Variants in TNFRSF13B observed in about 807,000 individuals in gnomAD.
The protein encoded by TNFRSF13B is tumor necrosis factor receptor superfamily member 13B.
In TNFRSF13B, 34 loss-of-function variants were observed where a neutral mutation model predicts 24.0. The observed-to-expected ratio is 1.41, with a 90% confidence interval of 1.08 to 1.88. The LOEUF is 1.88. Among genes scored for constraint, TNFRSF13B ranks in the 40% most tolerant of loss-of-function variants. TNFRSF13B has a pLI of 0.00. For synonymous variants in TNFRSF13B, 173 were observed against 150.3 expected, an observed-to-expected ratio of 1.15 and a Z score of -1.10; for missense variants, 415 against 380.8, an observed-to-expected ratio of 1.09 and a Z score of -0.75.
chr17:16,952,404 G>A (rs747696050), intron 2 of TNFRSF13B, 42 bp downstream of exon 2: 3 of 1,613,138 alleles, frequency 1.9e-6, no homozygotes, highest in Admixed American at 3.3e-5. Context: ...GAAAGGAGGA[G>A]GGTGATCACA....
At chr17:16,971,806 C>T (rs2087746937) in intron 1 of TNFRSF13B, among the ~76,000 whole-genome samples, 1 of 152,198 alleles carries the variant, frequency 6.6e-6, no homozygotes, top group Non-Finnish European at 1.5e-5. Flanking sequence ...ACCTCAGTGG[C>T]TTCTGTCACG....
In TNFRSF13B at chr17:16,955,935, G is replaced by A. The variant is rs73291180; in HGVS notation, c.62-3352C>T. Among the ~76,000 whole-genome samples the A allele has an allele frequency of 9.5e-3, 1,446 of 152,320 alleles. 25 individuals are homozygous for A. The highest frequency in any genetic ancestry group is 0.042 in the East Asian group (220 of 5,186). On this transcript the variant is annotated intron_variant, in intron 1 of 4. Coordinates refer to ENST00000261652, the MANE Select transcript of TNFRSF13B (RefSeq NM_012452.3). ...GGATAAGCAAGAAGGACCCTTGTCC[G>A]CCAAATATTGAGGTTGTGGGTTCTG...
intron 1 of TNFRSF13B, among the ~76,000 whole-genome samples, chr17:16,967,751 C>CAAAAAAAAAA (rs975103327): frequency 8.2e-5 from 2 of 24,498 alleles, no homozygotes; most frequent in African/African-American, 2.3e-4. Flanking sequence ...GACTCCGTCT[C>CAAAAAAAAAA]AAAAAAAAAA....
chr17:16,950,325 C>G (rs1459268445), intron 2 of TNFRSF13B, among the ~76,000 whole-genome samples: 1 of 152,152 alleles, frequency 6.6e-6, no homozygotes, highest in African/African-American at 2.4e-5. Context: ...CTGACTTCTT[C>G]GTAGGGTTGT....
intron 3 of TNFRSF13B, among the ~76,000 whole-genome samples, chr17:16,947,847 G>A (rs1597660687): frequency 6.6e-6 from 1 of 152,310 alleles, no homozygotes; most frequent in East Asian, 1.9e-4. Flanking sequence ...CCATTACTGG[G>A]TATATATCCA....
chr17:16,967,317 A>T (rs2143688080), intron 1 of TNFRSF13B, among the ~76,000 whole-genome samples: 1 of 152,308 alleles, frequency 6.6e-6, no homozygotes, highest in Admixed American at 6.5e-5. Flanking sequence ...ATATTAACTA[A>T]AAAACAAAAA....
intron 2 of TNFRSF13B, 72 bp downstream of exon 2, chr17:16,952,374 G>C (rs2087594668): frequency 7.5e-6 from 12 of 1,606,218 alleles, no homozygotes; most frequent in Non-Finnish European, 9.3e-6. Flanking sequence ...TGACTGTGGG[G>C]CCAGAGGGTG....
At chr17:16,940,826 A>G in intron 3 of TNFRSF13B, 1 of 1,282,888 alleles carries the variant, frequency 7.8e-7, no homozygotes, top group Non-Finnish European at 1.0e-6. Flanking sequence ...TCGACAGACG[A>G]ACAGACGATG....
At chr17:16,955,269 G>A (rs144928052) in intron 1 of TNFRSF13B, among the ~76,000 whole-genome samples, 19 of 152,268 alleles carry the variant, frequency 1.2e-4, no homozygotes, top group African/African-American at 4.1e-4. Context: ...CCAAACAGAA[G>A]GCAGACACCT....
At chr17:16,957,127 T>C (rs908450777) in intron 1 of TNFRSF13B, among the ~76,000 whole-genome samples, 2 of 151,668 alleles carry the variant, frequency 1.3e-5, no homozygotes, top group Non-Finnish European at 2.9e-5. Flanking sequence ...GGGAACTCTC[T>C]GTACTTTTGC....
intron 2 of TNFRSF13B, among the ~76,000 whole-genome samples, chr17:16,951,228 C>T (rs2087586302): frequency 6.6e-6 from 1 of 152,176 alleles, no homozygotes; most frequent in Non-Finnish European, 1.5e-5. Context: ...TCTCTGAGTT[C>T]CCCGCAATAA....
chr17:16,971,387 A>C (rs1440784651), intron 1 of TNFRSF13B, among the ~76,000 whole-genome samples: 1 of 151,946 alleles, frequency 6.6e-6, no homozygotes, highest in African/African-American at 2.4e-5. Flanking sequence ...AAACAAAAAA[A>C]AAGAAAGCTA....
intron 2 of TNFRSF13B, 66 bp downstream of exon 2, chr17:16,952,380 G>A: frequency 6.2e-6 from 10 of 1,609,692 alleles, no homozygotes; most frequent in East Asian, 2.2e-5. Context: ...TGGGGCCAGA[G>A]GGTGCTCTAG....
At chr17:16,953,574 G>A (rs2087604665) in intron 1 of TNFRSF13B, among the ~76,000 whole-genome samples, 1 of 152,134 alleles carries the variant, frequency 6.6e-6, no homozygotes, top group African/African-American at 2.4e-5. Context: ...GTACTTCCGT[G>A]TCTGGTTTTG....
chr17:16,951,289 A>C (rs1263666794), intron 2 of TNFRSF13B, among the ~76,000 whole-genome samples: 2 of 152,248 alleles, frequency 1.3e-5, no homozygotes, highest in African/African-American at 2.4e-5. Flanking sequence ...GGCTCAAGTC[A>C]GACATGGTTC....
chr17:16,954,819 A>G (rs1055055908), intron 1 of TNFRSF13B, among the ~76,000 whole-genome samples: 7 of 152,244 alleles, frequency 4.6e-5, no homozygotes, highest in Non-Finnish European at 1.0e-4. Flanking sequence ...CCACCCAGGC[A>G]TAAGAGTGGG....
intron 3 of TNFRSF13B, 143 bp downstream of exon 3, chr17:16,948,595 G>A (rs986396466): frequency 2.0e-5 from 24 of 1,190,224 alleles, no homozygotes; most frequent in Non-Finnish European, 2.8e-5. Context: ...TTTTTATCCT[G>A]GGATGATCTC....
intron 3 of TNFRSF13B, chr17:16,941,559 A>G: frequency 1.0e-6 from 1 of 987,582 alleles, no homozygotes; most frequent in Non-Finnish European, 1.2e-6. Flanking sequence ...CACTTCCCCT[A>G]CAGCACCCCC....
chr17:16,942,195 C>T (rs935111388), intron 3 of TNFRSF13B, among the ~76,000 whole-genome samples: 8 of 152,120 alleles, frequency 5.3e-5, no homozygotes, highest in South Asian at 2.1e-4. Context: ...CAGCATCTGC[C>T]GTTCACACTC....
Sources: allele counts gnomAD v4.1 joint callset (sites outside exome capture counted in the v4.1 genomes callset), GRCh38; gene constraint gnomAD v4.1.1; transcripts MANE v1.5; gene names NCBI Gene and HGNC (gene_info 2026-07-23, HGNC 2026-07-21).